BBS9: variants seen among roughly 807,000 people sequenced by gnomAD.
The protein encoded by BBS9 is protein PTHB1.
Under a neutral mutation model 117.7 loss-of-function variants are expected in BBS9, and 89 were observed. The ratio of observed to expected loss-of-function variants is 0.76; its 90% confidence interval spans 0.64 to 0.90. The LOEUF is 0.90. Among genes scored for constraint, BBS9 ranks in the 40% least tolerant of loss-of-function variants. The pLI, the probability that BBS9 is intolerant of heterozygous loss-of-function variation, is 0.00. For synonymous variants in BBS9, 379 were observed against 370.9 expected (o/e 1.02, Z -0.25); for missense variants, 982 against 1,042.2 (o/e 0.94, Z 0.80).
At chr7:33,437,703 G>A (rs888742762) in intron 19 of BBS9, among the ~76,000 whole-genome samples, 1 of 151,872 alleles carries the variant, frequency 6.6e-6, no homozygotes, top group Non-Finnish European at 1.5e-5. Flanking sequence ...GTGAAACTCC[G>A]TCTCTACTAA....
At chr7:33,537,264 C>T (rs1400400554) in intron 21 of BBS9, among the ~76,000 whole-genome samples, 2 of 152,200 alleles carry the variant, frequency 1.3e-5, no homozygotes, top group African/African-American at 4.8e-5. Context: ...ATGAGCCCAG[C>T]ACCTTGGCTG....
intron 9 of BBS9, among the ~76,000 whole-genome samples, chr7:33,303,776 T>C (rs754708911): frequency 6.6e-6 from 1 of 152,104 alleles, no homozygotes; most frequent in Non-Finnish European, 1.5e-5. Flanking sequence ...CCCGAGGTGC[T>C]GGGATTGCAG....
chr7:33,398,071 C>T (rs977964723), intron 19 of BBS9, among the ~76,000 whole-genome samples: 3 of 152,100 alleles, frequency 2.0e-5, no homozygotes, highest in African/African-American at 4.8e-5. Flanking sequence ...TATACTGAAT[C>T]GTACACTTGA....
Position 33,274,086 on chromosome 7 carries a change from A to G in BBS9, c.1016+130A>G, listed in dbSNP as rs563875648. 1.6e-5 allele frequency: 15 copies of G among 931,336 alleles called. No individual in the cohort carries two copies. In the African/African-American group the frequency reaches 2.3e-4, roughly 14 times the overall value. The allele number at this position is 931,336 out of a possible 1,614,324, so 57.7% of individuals were successfully genotyped here. On this transcript the variant is annotated intron_variant, in intron 9 of 22. Transcript: ENST00000242067. ...TGACATTGTAGTATGAATGTCAATA[A>G]TAAAAGTAATTTAAAATATAACTTT...
intron 2 of BBS9, among the ~76,000 whole-genome samples, chr7:33,147,920 C>G (rs1792674591): frequency 6.7e-6 from 1 of 148,876 alleles, no homozygotes; most frequent in African/African-American, 2.4e-5. Context: ...CAACACTCAT[C>G]ATTGTGTTCC....
chr7:33,309,567 T>C (rs1375071960), intron 9 of BBS9, among the ~76,000 whole-genome samples: 1 of 152,180 alleles, frequency 6.6e-6, no homozygotes, highest in East Asian at 1.9e-4. Flanking sequence ...GGGTTAATTA[T>C]AGTGATATTA....
intron 5 of BBS9, among the ~76,000 whole-genome samples, chr7:33,181,279 G>A (rs561177563): frequency 6.6e-6 from 1 of 152,250 alleles, no homozygotes; most frequent in East Asian, 1.9e-4. Context: ...ATGAGAAATT[G>A]AACCTAACAG....
At chr7:33,457,469 C>T (rs1256054779) in intron 19 of BBS9, among the ~76,000 whole-genome samples, 1 of 152,202 alleles carries the variant, frequency 6.6e-6, no homozygotes, top group East Asian at 1.9e-4. Flanking sequence ...GGGTCTTGGT[C>T]ATGTTATTGT....
At position 33,496,814 on chromosome 7, in the gene BBS9, G is replaced by A. The variant is rs1290551060; in HGVS notation, c.2116-8649G>A. On this transcript the variant is annotated intron_variant, in intron 19 of 22. Coordinates refer to ENST00000242067, the MANE Select transcript of BBS9 (RefSeq NM_198428.3). ...CTACCCAAATGCTTCTTACATGCCT[G>A]TCTGGCATTTAAACCATCTCCATGC... Among the ~76,000 whole-genome samples, 3 of 152,202 alleles carry A rather than the reference G, an allele frequency of 2.0e-5. No individual in the cohort carries two copies. The East Asian group carries it at 5.8e-4, about 29-fold the overall frequency.
At chr7:33,241,731 T>G (rs181500643) in intron 5 of BBS9, among the ~76,000 whole-genome samples, 2 of 152,220 alleles carry the variant, frequency 1.3e-5, no homozygotes. Context: ...TTTTGTTAAC[T>G]TTGTTCACTC....
intron 19 of BBS9, among the ~76,000 whole-genome samples, chr7:33,419,577 A>C (rs1008650001): frequency 2.0e-5 from 3 of 152,182 alleles, no homozygotes; most frequent in Non-Finnish European, 2.9e-5. Flanking sequence ...GTGTGGCAAA[A>C]ATGCCTCATA....
intron 5 of BBS9, among the ~76,000 whole-genome samples, chr7:33,230,901 T>C (rs1385814248): frequency 6.6e-6 from 1 of 152,168 alleles, no homozygotes; most frequent in African/African-American, 2.4e-5. Flanking sequence ...GTGTGTTTTT[T>C]ATGTAATGAC....
At chr7:33,187,737 G>A (rs1783354317) in intron 5 of BBS9, among the ~76,000 whole-genome samples, 1 of 151,956 alleles carries the variant, frequency 6.6e-6, no homozygotes. Context: ...TGGCCAACGT[G>A]GTAAAACCCC....
chr7:33,264,393 A>T lies in BBS9; in HGVS notation c.702+19A>T. The T allele has an allele frequency of 1.4e-6, 2 of 1,476,690 alleles. No individual in the cohort carries two copies. The highest frequency in any genetic ancestry group is 1.9e-6 in the Non-Finnish European group (2 of 1,072,604). 91.5% of individuals were successfully genotyped at this position (1,476,690 alleles called of 1,614,324 possible). Reference sequence around the variant, plus strand: ...ACTAGTTGTAAGGCCTTTTTTTAATATATAAAAATTTCAATAATGCTATAT... The same window carrying T: ...ACTAGTTGTAAGGCCTTTTTTTAATTTATAAAAATTTCAATAATGCTATAT... On this transcript the variant is annotated intron_variant, in intron 7 of 22. Coordinates refer to ENST00000242067, the MANE Select transcript of BBS9 (RefSeq NM_198428.3).
chr7:33,519,782 C>T (rs532282192), intron 20 of BBS9, among the ~76,000 whole-genome samples: 3 of 152,136 alleles, frequency 2.0e-5, no homozygotes, highest in East Asian at 3.9e-4. Flanking sequence ...ACAAACATAA[C>T]GAAATGGGAA....
rs115493141 is a variant in BBS9, at chr7:33,436,914, A to T, written c.2115+48770A>T. 7.2e-3 allele frequency among the ~76,000 whole-genome samples: 1,104 copies of T among 152,378 alleles called. 14 individuals carry two copies. The highest frequency in any genetic ancestry group is 0.025 in the African/African-American group (1,046 of 41,598). ...ACACATAAGTTATAAAGCATTAGCCATCTGAGATAATTTCTGTGTAACTTG... is the reference window on the plus strand; with the variant it reads ...ACACATAAGTTATAAAGCATTAGCCTTCTGAGATAATTTCTGTGTAACTTG... On this transcript the variant is annotated intron_variant, in intron 19 of 22. Transcript: ENST00000242067.
chr7:33,169,151 T>C, intron 4 of BBS9, among the ~76,000 whole-genome samples: 1 of 151,532 alleles, frequency 6.6e-6, no homozygotes, highest in Non-Finnish European at 1.5e-5. Flanking sequence ...CATCATTTTT[T>C]ATGGCTGCAT....
At chr7:33,158,813 T>C (rs1384044628) in intron 4 of BBS9, among the ~76,000 whole-genome samples, 1 of 151,006 alleles carries the variant, frequency 6.6e-6, no homozygotes, top group Non-Finnish European at 1.5e-5. Flanking sequence ...CAGAGTTTAA[T>C]TGAGCAAAGA....
chr7:33,349,799 C>T (rs138612200), intron 13 of BBS9, among the ~76,000 whole-genome samples: 4,261 of 152,166 alleles, frequency 0.028, 82 homozygotes, highest in Non-Finnish European at 0.043. Flanking sequence ...TTTATTGAAT[C>T]GGTAATGTTT....
Sources: gnomAD v4.1 joint callset for allele counts (sites outside exome capture counted in the v4.1 genomes callset) on GRCh38, gnomAD v4.1.1 for gene constraint, MANE v1.5 for transcripts, NCBI Gene and HGNC (gene_info 2026-07-23, HGNC 2026-07-21) for gene names.